TRIM11: variants seen among roughly 807,000 people sequenced by gnomAD.
The protein encoded by TRIM11 is E3 ubiquitin-protein ligase TRIM11.
Under a neutral mutation model 33.4 loss-of-function variants are expected in TRIM11, and 15 were observed. The ratio of observed to expected loss-of-function variants is 0.45; its 90% CI spans 0.30 to 0.69. The LOEUF is 0.69. Among genes scored for constraint, TRIM11 ranks in the 30% least tolerant of loss-of-function variants. TRIM11 has a pLI of 0.08. For synonymous variants in TRIM11, 281 were observed against 302.6 expected, an observed-to-expected ratio of 0.93 and a Z score of 0.74; for missense variants, 499 against 667.6, an observed-to-expected ratio of 0.75 and a Z score of 2.78.
rs1351388938 is a variant in TRIM11 at position 228,406,083 on chromosome 1, T to C, written c.408+71A>G. Reference sequence around the variant, plus strand: ...TACTCCCGGAGCAGTCCCCCAAACCTCCCACCCGCCCAGGCCTCCCCAGTC... The same window carrying C: ...TACTCCCGGAGCAGTCCCCCAAACCCCCCACCCGCCCAGGCCTCCCCAGTC... On this transcript the variant is annotated intron_variant, in intron 1 of 5. Coordinates refer to ENST00000284551, the MANE Select transcript of TRIM11 (RefSeq NM_145214.3). The surrounding 1 kb of genome is among the most constrained non-coding windows in gnomAD (Gnocchi z 8.2). 354 of 916,758 alleles carry C rather than the reference T, an allele frequency of 3.9e-4. No homozygotes were observed. Among genetic ancestry groups the C allele is most frequent in the Non-Finnish European group, 4.7e-4 (324 of 682,208 alleles). The allele number at this position is 916,758 out of a possible 1,614,324, so 56.8% of individuals were successfully genotyped here.
At position 228,400,455 on chromosome 1, in the gene TRIM11, G is replaced by A. The variant is rs776653267; in HGVS notation, c.735+509C>T. Among the ~76,000 whole-genome samples, 2 of 152,228 alleles carry A rather than the reference G, an allele frequency of 1.3e-5. No homozygotes were observed. The highest frequency in any genetic ancestry group is 2.9e-5 in the Non-Finnish European group (2 of 68,034). ...GCCCAGGGGGCCGGCTCAGGGAGTG[G>A]AGCCCACACATGGGAAAAGACTCTC... On this transcript the variant is annotated intron_variant, in intron 3 of 5. Coordinates refer to ENST00000284551, the MANE Select transcript of TRIM11 (RefSeq NM_145214.3). This position sits in a 1 kb window ranked among gnomAD's most constrained non-coding sequence, Gnocchi z 4.5.
chr1:228,396,459 A>G, intron 5 of TRIM11: 1 of 573,318 alleles, frequency 1.7e-6, no homozygotes, highest in Non-Finnish European at 3.1e-6. Context: ...TGTCTCTTCC[A>G]TTTGGCTCTT....
chr1:228,395,411 C>T lies in TRIM11; in HGVS notation c.860-159G>A. The T allele has an allele frequency of 3.2e-6, 2 of 619,214 alleles. No homozygotes were observed. The highest frequency in any genetic ancestry group is 4.7e-6 in the Non-Finnish European group (2 of 421,580). 38.4% of individuals were successfully genotyped at this position (619,214 alleles called of 1,614,324 possible). ...AACCTCCTGGAGTAACTAACTGTCTCCAAGTGGACATCCTCTCCCCACTTA... is the reference window on the plus strand; with the variant it reads ...AACCTCCTGGAGTAACTAACTGTCTTCAAGTGGACATCCTCTCCCCACTTA... On this transcript the variant is annotated intron_variant, in intron 5 of 5. Transcript: ENST00000284551. The surrounding 1 kb of genome is among the most constrained non-coding windows in gnomAD (Gnocchi z 4.8).
rs990153580 is a variant in TRIM11 at position 228,401,991 on chromosome 1, G to A, written c.504+75C>T. On this transcript the variant is annotated intron_variant, in intron 2 of 5. Coordinates refer to ENST00000284551, the MANE Select transcript of TRIM11 (RefSeq NM_145214.3). This position sits in a 1 kb window ranked among gnomAD's most constrained non-coding sequence, Gnocchi z 6.1. The stretch of plus-strand genomic sequence containing the variant: ...AGGGCAAGTGTGCCTGGCCAGCATC[G>A]CCCCCTGGGGTCTCCTATACAGGAC... 58 of 1,237,088 alleles carry A rather than the reference G, an allele frequency of 4.7e-5. No individual in the cohort carries two copies. The highest frequency in any genetic ancestry group is 1.1e-4 in the African/African-American group (7 of 65,176). 76.6% of individuals were successfully genotyped at this position (1,237,088 alleles called of 1,614,324 possible).
At position 228,406,212 on chromosome 1, in the gene TRIM11, G is replaced by A; in HGVS notation, c.350C>T (p.Ser117Phe). The change falls in exon 1 of 6, where the codon TCT becomes TTT. Residue 117 changes from serine to phenylalanine, a missense_variant. Physicochemically the swap from Ser to Phe is radical, Grantham distance 155 (BLOSUM62 -2). Coordinates refer to ENST00000284551, the MANE Select transcript of TRIM11 (RefSeq NM_145214.3). The surrounding 1 kb of genome is among the most constrained non-coding windows in gnomAD (Gnocchi z 8.2). ...LRLLCAACER[S>F]GEHWAHRVRP... ...CACGCGGTGCGCCCAGTGCTCCCCAGAGCGCTCGCAGGCCGCACACAGGAG... is the reference window on the plus strand; with the variant it reads ...CACGCGGTGCGCCCAGTGCTCCCCAAAGCGCTCGCAGGCCGCACACAGGAG... The A allele has an allele frequency of 6.7e-7, 1 of 1,481,846 alleles. No individual in the cohort carries two copies. Among genetic ancestry groups the A allele is most frequent in the Non-Finnish European group, 8.9e-7 (1 of 1,125,040 alleles). 91.8% of individuals were successfully genotyped at this position (1,481,846 alleles called of 1,614,324 possible). A position where few individuals can be genotyped will look rare whatever the true frequency, so the allele number is the denominator to read the frequency against.
At position 228,396,366 on chromosome 1, in the gene TRIM11, G is replaced by A. The variant is rs977917912; in HGVS notation, c.859+581C>T. 4.6e-5 allele frequency: 19 copies of A among 415,802 alleles called. No homozygotes were observed. In the South Asian group the frequency reaches 7.0e-4, roughly 15 times the overall value. 25.8% of individuals were successfully genotyped at this position (415,802 alleles called of 1,614,324 possible). A position where few individuals can be genotyped will look rare whatever the true frequency, so the allele number is the denominator to read the frequency against. ...CTCTTGGGGCTCAGGGAGTTTCCAGGTTGGTGAGCACACTGAGGTGCTGGG... is the reference window on the plus strand; with the variant it reads ...CTCTTGGGGCTCAGGGAGTTTCCAGATTGGTGAGCACACTGAGGTGCTGGG... On this transcript the variant is annotated intron_variant, in intron 5 of 5. Transcript: ENST00000284551.
Position 228,406,074 on chromosome 1 carries a change from C to T in TRIM11, c.408+80G>A, listed in dbSNP as rs1291974498. 6 of 1,291,618 alleles carry T rather than the reference C, an allele frequency of 4.6e-6. No individual in the cohort carries two copies. The highest frequency in any genetic ancestry group is 5.0e-6 in the Non-Finnish European group (5 of 1,010,066). 80.0% of individuals were successfully genotyped at this position (1,291,618 alleles called of 1,614,324 possible). ...GAGACAGATTACTCCCGGAGCAGTCCCCCAAACCTCCCACCCGCCCAGGCC... is the reference window on the plus strand; with the variant it reads ...GAGACAGATTACTCCCGGAGCAGTCTCCCAAACCTCCCACCCGCCCAGGCC... On this transcript the variant is annotated intron_variant, in intron 1 of 5. Coordinates refer to ENST00000284551, the MANE Select transcript of TRIM11 (RefSeq NM_145214.3). This position sits in a 1 kb window ranked among gnomAD's most constrained non-coding sequence, Gnocchi z 8.2.
chr1:228,405,983 C>T (rs1656396869), intron 1 of TRIM11, 171 bp downstream of exon 1: 1 of 727,406 alleles, frequency 1.4e-6, no homozygotes, highest in South Asian at 3.9e-5. Context: ...CCCCCACAGC[C>T]ACCCTGCGCG....
intron 5 of TRIM11, 162 bp downstream of exon 5, chr1:228,396,785 T>C: frequency 2.7e-6 from 2 of 735,250 alleles, no homozygotes; most frequent in Non-Finnish European, 2.5e-6. Context: ...ACACAACTGA[T>C]GTCAGAAGTA....
At chr1:228,399,912 C>A (rs373259179) in intron 3 of TRIM11, among the ~76,000 whole-genome samples, 189 of 142,182 alleles carry the variant, frequency 1.3e-3, no homozygotes, top group African/African-American at 3.7e-3. Flanking sequence ...AAACAAAAAA[C>A]AAAAAAACAG....
rs533262 is a variant in TRIM11, at chr1:228,396,794, T to C, written c.859+153A>G. 230 of 749,272 alleles carry C rather than the reference T, an allele frequency of 3.1e-4. No individual in the cohort carries two copies. In the African/African-American group the frequency reaches 3.3e-3, roughly 11 times the overall value. 46.4% of individuals were successfully genotyped at this position (749,272 alleles called of 1,614,324 possible). A position where few individuals can be genotyped will look rare whatever the true frequency, so the allele number is the denominator to read the frequency against. On this transcript the variant is annotated intron_variant, in intron 5 of 5. Coordinates refer to ENST00000284551, the MANE Select transcript of TRIM11 (RefSeq NM_145214.3). ...ATACCCACACAACTGATGTCAGAAG[T>C]ATGAGCAGAGGACGTTTTCCCAACA...
rs764440492 is a variant in TRIM11 at position 228,394,491 on chromosome 1, G to A, written c.*214C>T. The A allele has an allele frequency of 3.7e-5, 21 of 573,880 alleles. No homozygotes were observed. The highest frequency in any genetic ancestry group is 5.3e-5 in the Non-Finnish European group (18 of 339,384). 35.5% of individuals were successfully genotyped at this position (573,880 alleles called of 1,614,324 possible). A position where few individuals can be genotyped will look rare whatever the true frequency, so the allele number is the denominator to read the frequency against. ...TAAGTGGCACCCGGTGGCTGGAGGGGTCTCCCAGGGAGGACGGAGCCTGCC... is the reference window on the plus strand; with the variant it reads ...TAAGTGGCACCCGGTGGCTGGAGGGATCTCCCAGGGAGGACGGAGCCTGCC... On this transcript the variant is annotated 3_prime_UTR_variant, in exon 6 of 6. Coordinates refer to ENST00000284551, the MANE Select transcript of TRIM11 (RefSeq NM_145214.3). This position sits in a 1 kb window ranked among gnomAD's most constrained non-coding sequence, Gnocchi z 6.2.
At position 228,400,789 on chromosome 1, in the gene TRIM11, C is replaced by T. The variant is rs1656182145; in HGVS notation, c.735+175G>A. Among the ~76,000 whole-genome samples the T allele has an allele frequency of 6.6e-6, 1 of 152,206 alleles. No homozygotes were observed. ...TGGGTTTTGGGGGTGGGACATCTGT[C>T]CTGCTGCTGACTCAGCATTTCACAG... is the stretch of plus-strand genomic sequence containing the variant. On this transcript the variant is annotated intron_variant, in intron 3 of 5. Transcript: ENST00000284551. The surrounding 1 kb of genome is among the most constrained non-coding windows in gnomAD (Gnocchi z 4.5).
In TRIM11 at chr1:228,406,699, G is replaced by A. The variant is rs569873566; in HGVS notation, c.-138C>T. On this transcript the variant is annotated 5_prime_UTR_variant, in exon 1 of 6. Coordinates refer to ENST00000284551, the MANE Select transcript of TRIM11 (RefSeq NM_145214.3). The surrounding 1 kb of genome is among the most constrained non-coding windows in gnomAD (Gnocchi z 8.2). ...CGGGGCGCGAGGCTCGGGACTCCCG[G>A]GTGCTCGGGCTCCGGGGCGCGGGGA... 3.5e-4 allele frequency: 291 copies of A among 840,244 alleles called. 1 individual carries two copies. In the East Asian group the frequency reaches 8.4e-3, roughly 24 times the overall value. The allele number at this position is 840,244 out of a possible 1,614,324, so 52.0% of individuals were successfully genotyped here.
At position 228,401,817 on chromosome 1, in the gene TRIM11, C is replaced by T. The variant is rs1365778478; in HGVS notation, c.504+249G>A. 1.3e-5 allele frequency among the ~76,000 whole-genome samples: 2 copies of T among 152,188 alleles called. No homozygotes were observed. Among genetic ancestry groups the T allele is most frequent in the Non-Finnish European group, 2.9e-5 (2 of 68,030 alleles). On this transcript the variant is annotated intron_variant, in intron 2 of 5. Coordinates refer to ENST00000284551, the MANE Select transcript of TRIM11 (RefSeq NM_145214.3). The surrounding 1 kb of genome is among the most constrained non-coding windows in gnomAD (Gnocchi z 6.1). ...CCCTAAATACACCTGAGAGTTGCCACCCAAGCATGCTGGGACCCCAGGATG... is the reference window on the plus strand; with the variant it reads ...CCCTAAATACACCTGAGAGTTGCCATCCAAGCATGCTGGGACCCCAGGATG...
chr1:228,399,782 C>T (rs1656106564), intron 3 of TRIM11, among the ~76,000 whole-genome samples: 1 of 149,426 alleles, frequency 6.7e-6, no homozygotes, highest in African/African-American at 2.5e-5. Flanking sequence ...GGAGCAGATG[C>T]TGCAGACTTG....
rs1457453468 is a variant in TRIM11 at position 228,400,891 on chromosome 1, T to C, written c.735+73A>G. 3.1e-5 allele frequency: 45 copies of C among 1,437,740 alleles called. No homozygotes were observed. In the East Asian group the frequency reaches 1.1e-3, roughly 36 times the overall value. The allele number at this position is 1,437,740 out of a possible 1,614,324, so 89.1% of individuals were successfully genotyped here. A position where few individuals can be genotyped will look rare whatever the true frequency, so the allele number is the denominator to read the frequency against. The stretch of plus-strand genomic sequence containing the variant: ...CTCTCTGCCCCTGCTTCTTGCACTT[T>C]CTGGTTCTCCCTCCCCCAGTGTGGC... On this transcript the variant is annotated intron_variant, in intron 3 of 5. Transcript: ENST00000284551. The surrounding 1 kb of genome is among the most constrained non-coding windows in gnomAD (Gnocchi z 4.5).
In TRIM11 at chr1:228,394,676, G is replaced by T; in HGVS notation, c.*29C>A. On this transcript the variant is annotated 3_prime_UTR_variant, in exon 6 of 6. Coordinates refer to ENST00000284551, the MANE Select transcript of TRIM11 (RefSeq NM_145214.3). The surrounding 1 kb of genome is among the most constrained non-coding windows in gnomAD (Gnocchi z 6.2). ...TCAGTGGCCTGGAGGGGCAGGAGAG[G>T]CAACAGGACTCCTCCAGGAGGGCCC... The T allele has an allele frequency of 6.4e-7, 1 of 1,554,092 alleles. No homozygotes were observed. Among genetic ancestry groups the T allele is most frequent in the Non-Finnish European group, 8.7e-7 (1 of 1,147,350 alleles).
intron 3 of TRIM11, among the ~76,000 whole-genome samples, chr1:228,399,035 T>C (rs1445548498): frequency 3.3e-5 from 5 of 151,948 alleles, no homozygotes; most frequent in Non-Finnish European, 5.9e-5. Context: ...CCAGAGTCCA[T>C]AGCAGCCAGG....
Sources: gnomAD v4.1 joint callset for allele counts (sites outside exome capture counted in the v4.1 genomes callset) on GRCh38, gnomAD v4.1.1 for gene constraint, Gnocchi (gnomAD v3.1) non-coding constraint, MANE v1.5 for transcripts, NCBI Gene and HGNC (gene_info 2026-07-23, HGNC 2026-07-21) for gene names.